UMPS: variants seen among roughly 807,000 people sequenced by gnomAD.
UMPS encodes the protein uridine monophosphate synthetase.
In UMPS, 21 loss-of-function variants were observed where a neutral mutation model predicts 38.9. The observed-to-expected ratio is 0.54, with a 90% CI of 0.38 to 0.78. The LOEUF is 0.78. Among genes scored for constraint, UMPS ranks in the 30% least tolerant of loss-of-function variants. UMPS has a pLI of 0.00. For synonymous variants in UMPS, 208 were observed against 219.3 expected (o/e 0.95, Z 0.45); for missense variants, 533 against 591.6 (o/e 0.90, Z 1.03).
At position 124,735,198 on chromosome 3, in the gene UMPS, A is replaced by T; in HGVS notation, c.262A>T (p.Thr88Ser). The T allele has an allele frequency of 6.2e-7, 1 of 1,614,018 alleles. No homozygotes were observed. Among genetic ancestry groups the T allele is most frequent in the Non-Finnish European group, 8.5e-7 (1 of 1,179,866 alleles). ...GCCATTGGCTACAGTTATCTGTTCA[A>T]CCAATCAAATTCCAATGCTTATTAG... is the stretch of plus-strand genomic sequence containing the variant. ...ALPLATVICS[T>S]NQIPMLIRRK... Residue 88 changes from threonine to serine, a missense_variant, in exon 2 of 6, where the codon ACC (threonine) becomes TCC (serine). Transcript: ENST00000232607.
At position 124,747,945 on chromosome 3, in the gene UMPS, G is replaced by A; in HGVS notation, c.*3861G>A. 2.2e-6 allele frequency: 1 copy of A among 454,018 alleles called. No individual in the cohort carries two copies. The highest frequency in any genetic ancestry group is 1.6e-5 in the South Asian group (1 of 64,466). 28.1% of individuals were successfully genotyped at this position (454,018 alleles called of 1,614,324 possible). ...GCTTGGTTCCTTTGCCCCTTAACAGGTGGGTATGAATCGTGTCTTCAGTGC... is the reference window on the plus strand; with the variant it reads ...GCTTGGTTCCTTTGCCCCTTAACAGATGGGTATGAATCGTGTCTTCAGTGC... On this transcript the variant is annotated 3_prime_UTR_variant, in exon 6 of 6. Coordinates refer to ENST00000232607, the MANE Select transcript of UMPS (RefSeq NM_000373.4).
intron 1 of UMPS, chr3:124,733,474 G>GGGTATTT (rs1701094601): frequency 5.6e-6 from 1 of 179,232 alleles, no homozygotes; most frequent in Non-Finnish European, 1.2e-5. Context: ...AATCAGATTG[G>GGGTATTT]GGTATTTGGT....
intron 2 of UMPS, among the ~76,000 whole-genome samples, chr3:124,735,885 G>A (rs532829977): frequency 6.6e-6 from 1 of 152,332 alleles, no homozygotes; most frequent in East Asian, 1.9e-4. Flanking sequence ...GCTGAGGCAG[G>A]AGATGCGCTT....
rs192854995 is a variant in UMPS, at chr3:124,745,435, C to T, written c.*1351C>T. On this transcript the variant is annotated 3_prime_UTR_variant, in exon 6 of 6. Coordinates refer to ENST00000232607, the MANE Select transcript of UMPS (RefSeq NM_000373.4). ...CTGGAGTTCAGTGGCACGATCTCGG[C>T]TCACTGCAACTTCTGCCTCTCTGGT... 5.3e-5 allele frequency: 24 copies of T among 453,434 alleles called. No individual in the cohort carries two copies. Among genetic ancestry groups the T allele is most frequent in the Middle Eastern group, 1.4e-3 (2 of 1,444 alleles). The allele number at this position is 453,434 out of a possible 1,614,324, so 28.1% of individuals were successfully genotyped here.
intron 4 of UMPS, among the ~76,000 whole-genome samples, chr3:124,741,138 A>C (rs2063554234): frequency 1.3e-5 from 2 of 152,152 alleles, no homozygotes; most frequent in East Asian, 3.9e-4. Flanking sequence ...ATTGACTATA[A>C]CTGTCTGATT....
intron 1 of UMPS, among the ~76,000 whole-genome samples, chr3:124,731,297 A>G (rs2063474369): frequency 6.6e-6 from 1 of 152,204 alleles, no homozygotes; most frequent in Admixed American, 6.5e-5. Context: ...TAGAACAACC[A>G]GAACTCTGTG....
Position 124,746,767 on chromosome 3 carries a change from G to GTGTGTGTGTGTA in UMPS, c.*2694_*2695insATGTGTGTGTGT, listed in dbSNP as rs2150904613. On this transcript the variant is annotated 3_prime_UTR_variant, in exon 6 of 6. Transcript: ENST00000232607. Reference sequence around the variant, plus strand: ...ATAAGCCCATAGATTGTGTGTGTGTGTGTGTGTGTGTGTGTGTGTGTGTGT... The same window carrying GTGTGTGTGTGTA: ...ATAAGCCCATAGATTGTGTGTGTGTGTGTGTGTGTGTATGTGTGTGTGTGTGTGTGTGTGTGT... 1 of 189,826 alleles carries GTGTGTGTGTGTA rather than the reference G, an allele frequency of 5.3e-6. No homozygotes were observed. Among genetic ancestry groups the GTGTGTGTGTGTA allele is most frequent in the Non-Finnish European group, 1.0e-5 (1 of 95,266 alleles). 11.8% of individuals were successfully genotyped at this position (189,826 alleles called of 1,614,324 possible). A position where few individuals can be genotyped will look rare whatever the true frequency, so the allele number is the denominator to read the frequency against.
At chr3:124,736,639 C>T (rs1192564739) in intron 2 of UMPS, among the ~76,000 whole-genome samples, 1 of 152,124 alleles carries the variant, frequency 6.6e-6, no homozygotes, top group Non-Finnish European at 1.5e-5. Context: ...GTATGAATCC[C>T]TACCCATAAG....
At chr3:124,742,662 G>A (rs888391281) in intron 5 of UMPS, 7 of 176,906 alleles carry the variant, frequency 4.0e-5, no homozygotes, top group South Asian at 1.3e-4. Context: ...TCTTGGATTT[G>A]GAAGATAATA....
In UMPS at chr3:124,746,899, T is replaced by C. The variant is rs1360319204; in HGVS notation, c.*2815T>C. On this transcript the variant is annotated 3_prime_UTR_variant, in exon 6 of 6. Coordinates refer to ENST00000232607, the MANE Select transcript of UMPS (RefSeq NM_000373.4). ...GTAGCTCCAGAATCGTAAAGGGATA[T>C]GCTCAGTCTCACAGCCAGCCTGTGG... is the stretch of plus-strand genomic sequence containing the variant. The C allele has an allele frequency of 4.4e-6, 2 of 453,658 alleles. No individual in the cohort carries two copies. Among genetic ancestry groups the C allele is most frequent in the South Asian group, 3.1e-5 (2 of 64,440 alleles). 28.1% of individuals were successfully genotyped at this position (453,658 alleles called of 1,614,324 possible).
chr3:124,747,641 C>T lies in UMPS; in HGVS notation c.*3557C>T, dbSNP rs1184554929. On this transcript the variant is annotated 3_prime_UTR_variant, in exon 6 of 6. Transcript: ENST00000232607. ...GGAGCGTGATAAATGCTTAGTAGTG[C>T]ATGCCATGGAGTTCCAGGGTGGTTT... is the stretch of plus-strand genomic sequence containing the variant. 2.2e-6 allele frequency: 1 copy of T among 452,468 alleles called. No homozygotes were observed. The highest frequency in any genetic ancestry group is 2.0e-5 in the African/African-American group (1 of 49,984). 28.0% of individuals were successfully genotyped at this position (452,468 alleles called of 1,614,324 possible).
rs760099482 is a variant in UMPS at position 124,743,993 on chromosome 3, G to A, written c.1352G>A (p.Arg451His). 12 of 1,614,196 alleles carry A rather than the reference G, an allele frequency of 7.4e-6. No homozygotes were observed. The highest frequency in any genetic ancestry group is 3.3e-5 in the South Asian group (3 of 91,080). ...GGTTCCGATATCATCATTGTAGGTC[G>A]TGGCATAATCTCAGCAGCTGATCGT... ...KRGSDIIIVG[R>H]GIISAADRLE... The change falls in exon 6 of 6, where the codon CGT (arginine) becomes CAT (histidine). Residue 451 changes from arginine to histidine, a missense_variant. Coordinates refer to ENST00000232607, the MANE Select transcript of UMPS (RefSeq NM_000373.4).
At position 124,747,202 on chromosome 3, in the gene UMPS, T is replaced by C. The variant is rs554949086; in HGVS notation, c.*3118T>C. The stretch of plus-strand genomic sequence containing the variant: ...ACCACAGCTGGTTAATTTTTAAAAT[T>C]TTTTGTAGAGACGGTGGAGGAGGTT... On this transcript the variant is annotated 3_prime_UTR_variant, in exon 6 of 6. Coordinates refer to ENST00000232607, the MANE Select transcript of UMPS (RefSeq NM_000373.4). The C allele has an allele frequency of 8.2e-5, 37 of 453,516 alleles. No homozygotes were observed. Among genetic ancestry groups the C allele is most frequent in the Admixed American group, 1.4e-4 (6 of 42,540 alleles). 28.1% of individuals were successfully genotyped at this position (453,516 alleles called of 1,614,324 possible). A position where few individuals can be genotyped will look rare whatever the true frequency, so the allele number is the denominator to read the frequency against.
In UMPS at chr3:124,740,010, C is replaced by T; in HGVS notation, c.983-14C>T. ...TGAAAATCAGCAAATATCTTTTTTC[C>T]CCCTTCTTCTTAGGAGGTATCTTTA... On this transcript the variant is annotated splice_polypyrimidine_tract_variant and intron_variant, in intron 3 of 5. Transcript: ENST00000232607. 6.2e-7 allele frequency: 1 copy of T among 1,613,708 alleles called. No homozygotes were observed. The highest frequency in any genetic ancestry group is 1.3e-5 in the African/African-American group (1 of 74,988).
chr3:124,733,291 T>C (rs1028419688), intron 1 of UMPS: 1 of 152,216 alleles, frequency 6.6e-6, no homozygotes, highest in Non-Finnish European at 1.5e-5. Flanking sequence ...CAAATCATGT[T>C]TGAATTAATC....
Position 124,742,184 on chromosome 3 carries a change from T to A in UMPS, c.1191T>A (p.Val397=), listed in dbSNP as rs1391463860. Residue 397 remains valine (V), a synonymous_variant, in exon 5 of 6, where the codon GTT becomes GTA. Transcript: ENST00000232607. Reference sequence around the variant, plus strand: ...TGGCTGAGGAGCACTCTGAATTTGTTGTTGGTTTTATTTCTGGCTCCCGAG... The same window carrying A: ...TGGCTGAGGAGCACTCTGAATTTGTAGTTGGTTTTATTTCTGGCTCCCGAG... ...VRMAEEHSEF[V]VGFISGSRVS... 1 of 1,614,122 alleles carries A rather than the reference T, an allele frequency of 6.2e-7. No homozygotes were observed.
At position 124,747,199 on chromosome 3, in the gene UMPS, A is replaced by G. The variant is rs1392510821; in HGVS notation, c.*3115A>G. 1 of 453,340 alleles carries G rather than the reference A, an allele frequency of 2.2e-6. No individual in the cohort carries two copies. Among genetic ancestry groups the G allele is most frequent in the Admixed American group, 2.4e-5 (1 of 42,526 alleles). The allele number at this position is 453,340 out of a possible 1,614,324, so 28.1% of individuals were successfully genotyped here. On this transcript the variant is annotated 3_prime_UTR_variant, in exon 6 of 6. Transcript: ENST00000232607. ...ACCACCACAGCTGGTTAATTTTTAA[A>G]ATTTTTTGTAGAGACGGTGGAGGAG... is the stretch of plus-strand genomic sequence containing the variant.
At position 124,746,776 on chromosome 3, in the gene UMPS, T is replaced by C; in HGVS notation, c.*2692T>C. 1 of 442,646 alleles carries C rather than the reference T, an allele frequency of 2.3e-6. No individual in the cohort carries two copies. Among genetic ancestry groups the C allele is most frequent in the Non-Finnish European group, 4.5e-6 (1 of 223,862 alleles). The allele number at this position is 442,646 out of a possible 1,614,324, so 27.4% of individuals were successfully genotyped here. On this transcript the variant is annotated 3_prime_UTR_variant, in exon 6 of 6. Coordinates refer to ENST00000232607, the MANE Select transcript of UMPS (RefSeq NM_000373.4). ...TAGATTGTGTGTGTGTGTGTGTGTG[T>C]GTGTGTGTGTGTGTGTGTGTGCATG...
intron 1 of UMPS, 124 bp from the exon 2 acceptor site, chr3:124,734,969 C>T (rs976675874): frequency 9.2e-6 from 8 of 871,682 alleles, no homozygotes; most frequent in South Asian, 6.1e-5. Flanking sequence ...TGCAGTGAGC[C>T]GAGATCGCAC....
Sources: gnomAD v4.1 joint callset for allele counts (sites outside exome capture counted in the v4.1 genomes callset) on GRCh38, gnomAD v4.1.1 for gene constraint, MANE v1.5 for transcripts, NCBI Gene and HGNC (gene_info 2026-07-23, HGNC 2026-07-21) for gene names.